Variants in GAP43 observed in about 807,000 individuals in gnomAD.
The protein encoded by GAP43 is growth associated protein 43, also known as neuromodulin.
In GAP43, 6 loss-of-function variants were observed where a neutral mutation model predicts 18.6. The ratio of observed to expected loss-of-function variants is 0.32; its 90% CI spans 0.18 to 0.64. GAP43 has a LOEUF of 0.64. GAP43 is among the 30% of genes least tolerant of loss of function. The pLI is 0.78. For synonymous variants in GAP43, 115 were observed against 111.4 expected (o/e 1.03, Z -0.20); for missense variants, 292 against 295.5 (o/e 0.99, Z 0.09).
chr3:115,635,909 A>G (rs1708322238), intron 1 of GAP43, among the ~76,000 whole-genome samples: 1 of 152,086 alleles, frequency 6.6e-6, no homozygotes. Context: ...TCAGCAATGA[A>G]TGGTTTTCCT....
At chr3:115,674,011 C>A (rs1708847444) in intron 1 of GAP43, among the ~76,000 whole-genome samples, 2 of 152,178 alleles carry the variant, frequency 1.3e-5, no homozygotes, top group Admixed American at 6.5e-5. Flanking sequence ...GGTCTGTACG[C>A]TTGTCCAAAG....
chr3:115,648,943 AGT>A (rs541152240), intron 1 of GAP43, among the ~76,000 whole-genome samples: 1 of 152,150 alleles, frequency 6.6e-6, no homozygotes, highest in Non-Finnish European at 1.5e-5. Flanking sequence ...ATAATCTCTG[AGT>A]GGGTAGTTTA....
At chr3:115,664,744 A>G (rs1293552791) in intron 1 of GAP43, among the ~76,000 whole-genome samples, 1 of 152,202 alleles carries the variant, frequency 6.6e-6, no homozygotes, top group African/African-American at 2.4e-5. Flanking sequence ...CTTAGATCCA[A>G]AATTAACAGT....
intron 1 of GAP43, among the ~76,000 whole-genome samples, chr3:115,645,445 A>G (rs1708447242): frequency 6.6e-6 from 1 of 152,040 alleles, no homozygotes; most frequent in South Asian, 2.1e-4. Flanking sequence ...GAAGGATCAG[A>G]GTGGAAGTGC....
chr3:115,641,543 C>CACACACACAAT (rs148731356), intron 1 of GAP43, among the ~76,000 whole-genome samples: 4 of 150,242 alleles, frequency 2.7e-5, no homozygotes, highest in African/African-American at 9.8e-5. Flanking sequence ...CACACACACA[C>CACACACACAAT]GGTGCTTTCC....
At chr3:115,649,774 A>T (rs1223610224) in intron 1 of GAP43, among the ~76,000 whole-genome samples, 2 of 150,272 alleles carry the variant, frequency 1.3e-5, no homozygotes, top group Non-Finnish European at 3.0e-5. Flanking sequence ...CCAGGAGTTC[A>T]AGACCAGTCT....
chr3:115,666,134 G>C (rs939226305), intron 1 of GAP43, among the ~76,000 whole-genome samples: 1 of 151,910 alleles, frequency 6.6e-6, no homozygotes, highest in Non-Finnish European at 1.5e-5. Flanking sequence ...GAAGTTTTGG[G>C]GGGTGGGTAA....
intron 2 of GAP43, among the ~76,000 whole-genome samples, chr3:115,701,528 T>C (rs1709296875): frequency 6.6e-6 from 1 of 151,988 alleles, no homozygotes; most frequent in Admixed American, 6.6e-5. Flanking sequence ...TCCTATCTTA[T>C]CTCTTTTAGA....
chr3:115,656,271 T>C (rs903712410), intron 1 of GAP43, among the ~76,000 whole-genome samples: 3 of 152,214 alleles, frequency 2.0e-5, no homozygotes, highest in Non-Finnish European at 4.4e-5. Context: ...GGTATCCACT[T>C]GACTTGAAAG....
At chr3:115,695,847 G>A (rs913859036) in intron 2 of GAP43, among the ~76,000 whole-genome samples, 2 of 152,126 alleles carry the variant, frequency 1.3e-5, no homozygotes, top group African/African-American at 4.8e-5. Flanking sequence ...CCTATTAACA[G>A]CATCGCAGAG....
At chr3:115,657,039 GA>G (rs1216643631) in intron 1 of GAP43, among the ~76,000 whole-genome samples, 1 of 152,178 alleles carries the variant, frequency 6.6e-6, no homozygotes, top group East Asian at 1.9e-4. Context: ...TACTGAGAAT[GA>G]AAATTATAGC....
intron 1 of GAP43, among the ~76,000 whole-genome samples, chr3:115,653,649 G>T (rs1433364039): frequency 1.3e-5 from 2 of 152,002 alleles, no homozygotes. Context: ...AAAAAGACTT[G>T]ACCATCTAGT....
At chr3:115,645,215 T>C (rs1363995595) in intron 1 of GAP43, among the ~76,000 whole-genome samples, 1 of 152,054 alleles carries the variant, frequency 6.6e-6, no homozygotes, top group African/African-American at 2.4e-5. Flanking sequence ...GATATGTCTA[T>C]TCCCTTTACA....
chr3:115,666,419 A>G (rs781751478), intron 1 of GAP43, among the ~76,000 whole-genome samples: 1 of 152,106 alleles, frequency 6.6e-6, no homozygotes, highest in Non-Finnish European at 1.5e-5. Flanking sequence ...TCATGACCAA[A>G]TCTCCTCTGG....
At chr3:115,710,935 C>G (rs1464412060) in intron 2 of GAP43, among the ~76,000 whole-genome samples, 3 of 152,100 alleles carry the variant, frequency 2.0e-5, no homozygotes, top group African/African-American at 7.2e-5. Context: ...CCTGCCAAGG[C>G]ATAAAGATAA....
chr3:115,703,007 A>G (rs989284568), intron 2 of GAP43, among the ~76,000 whole-genome samples: 1 of 152,206 alleles, frequency 6.6e-6, no homozygotes, highest in Admixed American at 6.6e-5. Flanking sequence ...TAAGAAAGCA[A>G]AAGGCTAAGG....
At chr3:115,649,649 G>A (rs1708498741) in intron 1 of GAP43, among the ~76,000 whole-genome samples, 1 of 151,806 alleles carries the variant, frequency 6.6e-6, no homozygotes, top group East Asian at 1.9e-4. Context: ...TATTGAAATG[G>A]GATGGTTTAT....
intron 2 of GAP43, among the ~76,000 whole-genome samples, chr3:115,689,644 G>C (rs913398602): frequency 6.6e-6 from 1 of 152,136 alleles, no homozygotes; most frequent in African/African-American, 2.4e-5. Context: ...ATATTTGATT[G>C]AGAAGGAAAA....
intron 1 of GAP43, chr3:115,658,900 C>T (rs909555988): frequency 8.5e-5 from 13 of 152,504 alleles, no homozygotes; most frequent in African/African-American, 2.7e-4. Context: ...GCCCGCTCGC[C>T]TTCAGCTCCC....
Sources: gnomAD v4.1 joint callset for allele counts (sites outside exome capture counted in the v4.1 genomes callset) on GRCh38, gnomAD v4.1.1 for gene constraint, MANE v1.5 for transcripts, NCBI Gene and HGNC (gene_info 2026-07-23, HGNC 2026-07-21) for gene names.